Variants in ZNF532 observed in about 807,000 individuals in gnomAD.
ZNF532 encodes the protein zinc finger protein 532.
A neutral mutation model predicts 89.3 loss-of-function variants in ZNF532; 22 were observed. The observed-to-expected ratio is 0.25, with a 90% CI of 0.18 to 0.35. The LOEUF (loss-of-function observed/expected upper bound fraction) is 0.35, where lower values mean the gene tolerates loss of function less well. Among genes scored for constraint, ZNF532 ranks in the 10% least tolerant of loss-of-function variants. The pLI is 1.00. For missense variants in ZNF532, 1,132 were observed against 1,643.4 expected, an observed-to-expected ratio of 0.69 and a Z score of 5.38; for synonymous variants, 606 against 649.6, an observed-to-expected ratio of 0.93 and a Z score of 1.02.
intron 7 of ZNF532, among the ~76,000 whole-genome samples, chr18:58,958,929 G>T (rs1372401441): frequency 6.6e-6 from 1 of 152,020 alleles, no homozygotes; most frequent in African/African-American, 2.4e-5. Context: ...CTTTTTTGTT[G>T]TTCTAGAAGG....
At chr18:58,970,731 C>T (rs374505001) in intron 7 of ZNF532, among the ~76,000 whole-genome samples, 14 of 152,370 alleles carry the variant, frequency 9.2e-5, no homozygotes, top group African/African-American at 3.4e-4. Flanking sequence ...AGTCCCCTGA[C>T]AGAGAAGAGA....
intron 2 of ZNF532, among the ~76,000 whole-genome samples, chr18:58,903,286 A>G (rs1231569561): frequency 6.6e-6 from 1 of 152,202 alleles, no homozygotes; most frequent in Non-Finnish European, 1.5e-5. Flanking sequence ...ACTAAGAAGG[A>G]AAGCTGGGCC....
At chr18:58,883,566 A>T (rs982530335) in intron 2 of ZNF532, among the ~76,000 whole-genome samples, 5 of 152,306 alleles carry the variant, frequency 3.3e-5, no homozygotes, top group African/African-American at 1.2e-4. Flanking sequence ...AAGCAGGTTT[A>T]TTATGATTCC....
chr18:58,959,253 G>GTTTTTTTTTTTTTTTTT (rs201150500), intron 7 of ZNF532, among the ~76,000 whole-genome samples: 21 of 121,666 alleles, frequency 1.7e-4, no homozygotes, highest in East Asian at 1.2e-3. Flanking sequence ...TCAGTTTTTT[G>GTTTTTTTTTTTTTTTTT]TTTTTTGTTT....
chr18:58,963,233 T>TA (rs2065540699), intron 7 of ZNF532, among the ~76,000 whole-genome samples: 1 of 152,208 alleles, frequency 6.6e-6, no homozygotes, highest in African/African-American at 2.4e-5. Context: ...TAGGATGTCT[T>TA]AATGTTTCTG....
chr18:58,955,741 G>A (rs539755463), intron 7 of ZNF532, among the ~76,000 whole-genome samples: 4 of 152,348 alleles, frequency 2.6e-5, no homozygotes, highest in Non-Finnish European at 5.9e-5. Flanking sequence ...GTTACTTACA[G>A]AATATATTTG....
chr18:58,875,144 T>TCCC (rs141203651), intron 2 of ZNF532, among the ~76,000 whole-genome samples: 1 of 151,400 alleles, frequency 6.6e-6, no homozygotes, highest in African/African-American at 2.4e-5. Context: ...ATTTCACCTT[T>TCCC]CCCCCCCCTT....
chr18:58,958,706 T>C (rs1443867640), intron 7 of ZNF532, among the ~76,000 whole-genome samples: 1 of 152,222 alleles, frequency 6.6e-6, no homozygotes, highest in East Asian at 1.9e-4. Context: ...CAAGTTGCAG[T>C]CTAGGTTCAG....
At chr18:58,873,069 G>T (rs1212395583) in intron 2 of ZNF532, among the ~76,000 whole-genome samples, 2 of 151,916 alleles carry the variant, frequency 1.3e-5, no homozygotes, top group Admixed American at 6.6e-5. Flanking sequence ...GTGCAGTGCT[G>T]CGATCTTTGC....
intron 2 of ZNF532, among the ~76,000 whole-genome samples, chr18:58,879,635 T>A (rs2144879579): frequency 6.6e-6 from 1 of 152,286 alleles, no homozygotes; most frequent in South Asian, 2.1e-4. Context: ...GTGAGCCACC[T>A]GCCCCAGCCT....
intron 2 of ZNF532, among the ~76,000 whole-genome samples, chr18:58,891,620 A>G (rs2058909845): frequency 6.6e-6 from 1 of 152,274 alleles, no homozygotes. Flanking sequence ...GTGATTAAAA[A>G]GACTTTTTAC....
intron 2 of ZNF532, among the ~76,000 whole-genome samples, chr18:58,908,903 T>A (rs11873531): frequency 0.028 from 4,276 of 152,338 alleles, 216 homozygotes; most frequent in African/African-American, 0.097. Context: ...AAAGACCTAA[T>A]AACATCCTAC....
chr18:58,888,736 ATATATT>A (rs2058522671), intron 2 of ZNF532, among the ~76,000 whole-genome samples: 2 of 51,352 alleles, frequency 3.9e-5, no homozygotes, highest in African/African-American at 2.3e-4. Flanking sequence ...AATTATATAT[ATATATT>A]TTATATATAT....
Position 58,920,082 on chromosome 18 carries a change from C to T in ZNF532, c.1795C>T (p.Pro599Ser). Residue 599 changes from proline (P) to serine (S), a missense_variant, in exon 3 of 10, where the codon CCA becomes TCA. By Grantham distance (74) the Pro-to-Ser change is moderately conservative. This residue lies in a region of ZNF532 where 70 missense variants were observed against 152.1 expected (regional missense o/e 0.46). Coordinates refer to ENST00000591808, the MANE Select transcript of ZNF532 (RefSeq NM_001375912.1). Reference protein sequence around the residue: ...SSVNPVPVYIPNLSPPANAGI... With the variant: ...SSVNPVPVYISNLSPPANAGI... ...TGTCAATCCAGTCCCTGTTTACATC[C>T]CAAACCTCAGTCCTCCCGCCAATGC... The T allele has an allele frequency of 6.2e-7, 1 of 1,613,952 alleles. No homozygotes were observed. Among genetic ancestry groups the T allele is most frequent in the Non-Finnish European group, 8.5e-7 (1 of 1,179,860 alleles).
chr18:58,878,744 T>A (rs537401149), intron 2 of ZNF532, among the ~76,000 whole-genome samples: 20 of 152,230 alleles, frequency 1.3e-4, no homozygotes, highest in Non-Finnish European at 2.8e-4. Context: ...TAGGACATGA[T>A]CAAGCTATGC....
chr18:58,929,765 A>G (rs1337525633), intron 3 of ZNF532, among the ~76,000 whole-genome samples: 1 of 152,242 alleles, frequency 6.6e-6, no homozygotes, highest in Non-Finnish European at 1.5e-5. Flanking sequence ...TCTGTGAGCA[A>G]AAGGCATATA....
intron 3 of ZNF532, 77 bp downstream of exon 3, chr18:58,920,710 T>G (rs2060972731): frequency 2.3e-6 from 3 of 1,296,852 alleles, no homozygotes; most frequent in Non-Finnish European, 3.2e-6. Flanking sequence ...CCCTTGATTT[T>G]AGGGTGGGAA....
intron 5 of ZNF532, among the ~76,000 whole-genome samples, chr18:58,943,154 A>G (rs945136607): frequency 7.0e-6 from 1 of 142,196 alleles, no homozygotes; most frequent in East Asian, 2.1e-4. Context: ...GTCCATTACT[A>G]TATCTTTTTT....
At chr18:58,940,950 A>ACC (rs1555738717) in intron 5 of ZNF532, among the ~76,000 whole-genome samples, 3 of 141,276 alleles carry the variant, frequency 2.1e-5, no homozygotes, top group African/African-American at 7.5e-5. Context: ...ACACACACAC[A>ACC]CACACACACT....
Sources: gnomAD v4.1 joint callset for allele counts (sites outside exome capture counted in the v4.1 genomes callset) on GRCh38, gnomAD v4.1.1 for gene constraint, gnomAD v4.1.1 regional missense constraint, MANE v1.5 for transcripts, NCBI Gene and HGNC (gene_info 2026-07-23, HGNC 2026-07-21) for gene names.